Variants in SLC9A3 observed in about 807,000 individuals in gnomAD.
SLC9A3 encodes sodium/hydrogen exchanger 3.
Under a neutral mutation model 86.8 loss-of-function variants are expected in SLC9A3, and 37 were observed. That is an observed-to-expected ratio of 0.43 (90% CI 0.33 to 0.56). The LOEUF (loss-of-function observed/expected upper bound fraction) is 0.56. SLC9A3 is among the 20% of genes least tolerant of loss of function. SLC9A3 has a pLI of 0.06. For synonymous variants in SLC9A3, 581 were observed against 528.3 expected (o/e 1.10, Z -1.37); for missense variants, 1,011 against 1,171.9 (o/e 0.86, Z 2.00).
In SLC9A3 at chr5:472,115, A is replaced by T. The variant is rs963750192; in HGVS notation, c.*1264T>A. 2.4e-6 allele frequency: 1 copy of T among 409,604 alleles called. No homozygotes were observed. Among genetic ancestry groups the T allele is most frequent in the Non-Finnish European group, 4.9e-6 (1 of 203,940 alleles). The allele number at this position is 409,604 out of a possible 1,614,324, so 25.4% of individuals were successfully genotyped here. On this transcript the variant is annotated 3_prime_UTR_variant, in exon 17 of 17. Coordinates refer to ENST00000264938, the MANE Select transcript of SLC9A3 (RefSeq NM_004174.4). ...GTGGGACTTGCCGTCTGAGGGATGG[A>T]TGGACTCCGAGCACCCTCCCCGGCT... is the stretch of plus-strand genomic sequence containing the variant.
chr5:474,896 C>T lies in SLC9A3; in HGVS notation c.2488G>A (p.Glu830Lys), dbSNP rs943813434. 1.3e-6 allele frequency: 2 copies of T among 1,552,354 alleles called. No individual in the cohort carries two copies. The highest frequency in any genetic ancestry group is 1.8e-5 in the Admixed American group (1 of 54,376). The part of the protein sequence containing the change: ...PEERPPAALP[E>K]STHM ...CGGGAGCGTTACATGTGTGTGGACTCGGGGAGGGCGGCGGGGGGCCGCTCC... is the reference window on the plus strand; with the variant it reads ...CGGGAGCGTTACATGTGTGTGGACTTGGGGAGGGCGGCGGGGGGCCGCTCC... Residue 830 changes from glutamate (E) to lysine (K), a missense_variant, in exon 16 of 17, where the codon GAG becomes AAG. Physicochemically the swap from Glu to Lys is moderately conservative, Grantham distance 56. Around this residue, in one of 3 missense-constraint regions of SLC9A3, gnomAD observed 397 missense variants for 346.3 expected, o/e 1.15. Coordinates refer to ENST00000264938, the MANE Select transcript of SLC9A3 (RefSeq NM_004174.4).
In SLC9A3 at chr5:491,635, C is replaced by T. The variant is rs763091357; in HGVS notation, c.514+134G>A. 286 of 783,530 alleles carry T rather than the reference C, an allele frequency of 3.7e-4. No homozygotes were observed. Among genetic ancestry groups the T allele is most frequent in the Non-Finnish European group, 5.0e-4 (258 of 513,304 alleles). The allele number at this position is 783,530 out of a possible 1,614,324, so 48.5% of individuals were successfully genotyped here. ...TGGTCACGAGGGCCTACGGGGCTGC[C>T]AGCCACGTTTCTCACCTGACACTTA... On this transcript the variant is annotated intron_variant, in intron 2 of 16. Transcript: ENST00000264938. The surrounding 1 kb of genome is among the most constrained non-coding windows in gnomAD (Gnocchi z 9.2).
rs1004496981 is a variant in SLC9A3 at position 497,294 on chromosome 5, C to T, written c.212-5223G>A. On this transcript the variant is annotated intron_variant, in intron 1 of 16. Transcript: ENST00000264938. The surrounding 1 kb of genome is among the most constrained non-coding windows in gnomAD (Gnocchi z 5.4). ...GCCTCGGGCGACACGGTGCACTGGCCGAATTCCCTCCAGGTGCAGGAGTCG... is the reference window on the plus strand; with the variant it reads ...GCCTCGGGCGACACGGTGCACTGGCTGAATTCCCTCCAGGTGCAGGAGTCG... 2.0e-5 allele frequency among the ~76,000 whole-genome samples: 3 copies of T among 152,110 alleles called. No individual in the cohort carries two copies. The highest frequency in any genetic ancestry group is 7.2e-5 in the African/African-American group (3 of 41,420).
intron 1 of SLC9A3, among the ~76,000 whole-genome samples, chr5:517,557 CCCAT>C (rs1363613872): frequency 6.0e-5 from 9 of 150,786 alleles, no homozygotes; most frequent in Non-Finnish European, 7.4e-5. Flanking sequence ...CATCCATTCA[CCCAT>C]CCATCCATTC....
intron 11 of SLC9A3, chr5:477,034 G>A: frequency 2.0e-6 from 1 of 507,852 alleles, no homozygotes; most frequent in Non-Finnish European, 3.6e-6. Flanking sequence ...AGGGCCGGAG[G>A]AGCAGTAAGG....
At chr5:502,845 GAC>G (rs529412394) in intron 1 of SLC9A3, among the ~76,000 whole-genome samples, 191 of 148,146 alleles carry the variant, frequency 1.3e-3, no homozygotes, top group African/African-American at 4.6e-3. Context: ...CCGCCGTAAT[GAC>G]ACAGATGGGC....
In SLC9A3 at chr5:489,881, G is replaced by A. The variant is rs151099435; in HGVS notation, c.515-1405C>T. On this transcript the variant is annotated intron_variant, in intron 2 of 16. Transcript: ENST00000264938. The stretch of plus-strand genomic sequence containing the variant: ...CCAGGAGGGCTCATGCCACCAGACC[G>A]CATGTTCCAGGCCTTTCTCCACCAC... Among the ~76,000 whole-genome samples the A allele has an allele frequency of 8.7e-4, 133 of 152,342 alleles. No homozygotes were observed. In the South Asian group the frequency reaches 9.5e-3, roughly 11 times the overall value.
intron 1 of SLC9A3, among the ~76,000 whole-genome samples, chr5:492,406 C>T (rs1167473387): frequency 2.2e-4 from 3 of 13,500 alleles, no homozygotes; most frequent in South Asian, 2.2e-3. Context: ...GGAGGGAGGT[C>T]GGGGTGGGAC....
At position 492,016 on chromosome 5, in the gene SLC9A3, G is replaced by C. The variant is rs376704791; in HGVS notation, c.267C>G (p.Ile89Met). The C allele has an allele frequency of 7.6e-6, 12 of 1,586,824 alleles. No homozygotes were observed. Among genetic ancestry groups the C allele is most frequent in the Non-Finnish European group, 1.0e-5 (12 of 1,165,400 alleles). Residue 89 changes from isoleucine (I) to methionine (M), a missense_variant, in exon 2 of 17, where the codon ATC (isoleucine) becomes ATG (methionine). By Grantham distance (10) the Ile-to-Met change is conservative (BLOSUM62 1). Around this residue, in one of 3 missense-constraint regions of SLC9A3, gnomAD observed 565 missense variants for 790.0 expected, o/e 0.72. Transcript: ENST00000264938. Reference protein sequence around the residue: ...TSVVPESALLIVLGLVLGGIV... With the variant: ...TSVVPESALLMVLGLVLGGIV... ...TGCCGCCCAGCACCAGGCCCAGCACGATGAGCAGGGCGCTCTCGGGAACCA... is the reference window on the plus strand; with the variant it reads ...TGCCGCCCAGCACCAGGCCCAGCACCATGAGCAGGGCGCTCTCGGGAACCA...
rs986882219 is a variant in SLC9A3, at chr5:496,448, C to T, written c.212-4377G>A. Among the ~76,000 whole-genome samples the T allele has an allele frequency of 6.6e-6, 1 of 152,220 alleles. No homozygotes were observed. Among genetic ancestry groups the T allele is most frequent in the Admixed American group, 6.5e-5 (1 of 15,292 alleles). On this transcript the variant is annotated intron_variant, in intron 1 of 16. Transcript: ENST00000264938. The surrounding 1 kb of genome is among the most constrained non-coding windows in gnomAD (Gnocchi z 4.7). ...GAACGACCCCGTTCTGTGAAAGTGT[C>T]GGCTTGCTCCCCTGCCGGGCACTGA...
At chr5:505,564 G>GGA (rs1331164955) in intron 1 of SLC9A3, among the ~76,000 whole-genome samples, 1 of 10,318 alleles carries the variant, frequency 9.7e-5, no homozygotes, top group East Asian at 4.8e-3. Context: ...GAGTGACCAC[G>GGA]GAGGTGAGAG....
At chr5:506,795 C>T (rs772546595) in intron 1 of SLC9A3, among the ~76,000 whole-genome samples, 2 of 151,970 alleles carry the variant, frequency 1.3e-5, no homozygotes, top group Non-Finnish European at 2.9e-5. Flanking sequence ...GGGCCGGGCG[C>T]GGTGGCTCAC....
In SLC9A3 at chr5:473,261, G is replaced by A. The variant is rs1738497169; in HGVS notation, c.*118C>T. On this transcript the variant is annotated 3_prime_UTR_variant, in exon 17 of 17. Coordinates refer to ENST00000264938, the MANE Select transcript of SLC9A3 (RefSeq NM_004174.4). Reference sequence around the variant, plus strand: ...CTGGCGTGGGCGAGGCGGGGCTCGGGGCTCGCGGTCGCTGTAGCCGCGCGG... The same window carrying A: ...CTGGCGTGGGCGAGGCGGGGCTCGGAGCTCGCGGTCGCTGTAGCCGCGCGG... 2.7e-6 allele frequency: 3 copies of A among 1,123,084 alleles called. No homozygotes were observed. Among genetic ancestry groups the A allele is most frequent in the African/African-American group, 3.4e-5 (2 of 58,560 alleles). The allele number at this position is 1,123,084 out of a possible 1,614,324, so 69.6% of individuals were successfully genotyped here.
rs778066069 is a variant in SLC9A3 at position 507,166 on chromosome 5, C to CTT, written c.212-15097_212-15096dup. On this transcript the variant is annotated intron_variant, in intron 1 of 16. Transcript: ENST00000264938. The stretch of plus-strand genomic sequence containing the variant: ...AGAAGGAGGGATCCGGCTGCTGCTT[C>CTT]TTTTTTTTTTTTTTTTTTTTGAGAC... Among the ~76,000 whole-genome samples, 125 of 30,638 alleles carry CTT rather than the reference C, an allele frequency of 4.1e-3. 46 individuals are homozygous for CTT. Among genetic ancestry groups the CTT allele is most frequent in the African/African-American group, 0.015 (114 of 7,566 alleles). The allele number at this position is 30,638 out of a possible 152,430, so 20.1% of individuals were successfully genotyped here.
intron 9 of SLC9A3, 89 bp downstream of exon 9, chr5:481,476 T>G: frequency 1.8e-6 from 2 of 1,109,142 alleles, no homozygotes; most frequent in Non-Finnish European, 2.8e-6. Context: ...CAAACAGTTG[T>G]TATGCATGTG....
At chr5:502,853 T>TGCTCAAAGCCGCCATAACGACACAGAC (rs1370190936) in intron 1 of SLC9A3, among the ~76,000 whole-genome samples, 1 of 144,140 alleles carries the variant, frequency 6.9e-6, no homozygotes, top group Admixed American at 7.0e-5. Context: ...ATGACACAGA[T>TGCTCAAAGCCGCCATAACGACACAGAC]GGGCGCTGTG....
intron 3 of SLC9A3, among the ~76,000 whole-genome samples, chr5:487,812 C>T (rs958155455): frequency 1.1e-4 from 16 of 152,190 alleles, no homozygotes; most frequent in African/African-American, 3.4e-4. Flanking sequence ...GGATTACAGG[C>T]GCGTGCCACC....
Position 507,323 on chromosome 5 carries a change from A to G in SLC9A3, c.212-15252T>C, listed in dbSNP as rs1014468007. Reference sequence around the variant, plus strand: ...GCTGGGACTACAGGCGCCCGCCACCACGCCCAGCTAATTTTTTGTATTTTT... The same window carrying G: ...GCTGGGACTACAGGCGCCCGCCACCGCGCCCAGCTAATTTTTTGTATTTTT... On this transcript the variant is annotated intron_variant, in intron 1 of 16. Transcript: ENST00000264938. Among the ~76,000 whole-genome samples the G allele has an allele frequency of 1.6e-4, 22 of 134,826 alleles. 4 individuals are homozygous for G. Among genetic ancestry groups the G allele is most frequent in the Admixed American group, 1.1e-3 (15 of 13,478 alleles). The allele number at this position is 134,826 out of a possible 152,430, so 88.5% of individuals were successfully genotyped here.
chr5:515,217 C>T (rs1733691334), intron 1 of SLC9A3, among the ~76,000 whole-genome samples: 1 of 152,158 alleles, frequency 6.6e-6, no homozygotes, highest in Non-Finnish European at 1.5e-5. Flanking sequence ...CCTAACCACC[C>T]CCAGCACAGC....
Sources: allele counts gnomAD v4.1 joint callset (sites outside exome capture counted in the v4.1 genomes callset), GRCh38; gene constraint gnomAD v4.1.1; regional missense constraint gnomAD v4.1.1; non-coding constraint Gnocchi (gnomAD v3.1); transcripts MANE v1.5; gene names NCBI Gene and HGNC (gene_info 2026-07-23, HGNC 2026-07-21).